SLC2A11: variants seen among roughly 807,000 people sequenced by gnomAD.
The protein encoded by SLC2A11 is solute carrier family 2 member 11, also known as solute carrier family 2, facilitated glucose transporter member 11.
A neutral mutation model predicts 52.1 loss-of-function variants in SLC2A11; 43 were observed. The observed-to-expected ratio is 0.82, with a 90% CI of 0.65 to 1.06. The LOEUF is 1.06. Among genes scored for constraint, SLC2A11 ranks in the 50% least tolerant of loss-of-function variants. SLC2A11 has a pLI of 0.00. For missense variants in SLC2A11, 582 were observed against 654.2 expected (o/e 0.89, Z 1.20); for synonymous variants, 261 against 277.6 (o/e 0.94, Z 0.59).
chr22:23,856,979 G>C, upstream of SLC2A11: 1 of 1,609,394 alleles, frequency 6.2e-7, no homozygotes, highest in Non-Finnish European at 8.5e-7. Flanking sequence ...AGATGAGAGC[G>C]CTCCGAAGAC....
chr22:23,883,463 C>A (rs901199033), intron 8 of SLC2A11: 3 of 410,432 alleles, frequency 7.3e-6, no homozygotes, highest in Non-Finnish European at 1.3e-5. Flanking sequence ...ACCAGTGAGA[C>A]CCTGTCTCAG....
Position 23,883,791 on chromosome 22 carries a change from TG to T in SLC2A11, c.1016del (p.Gly339ValfsTer12). On this transcript the variant is annotated frameshift_variant, in exon 9 of 12. Transcript: ENST00000316185. LOFTEE classifies it high-confidence loss of function. ...TTGCAGTGTGTGGTAATCGAGAGGGTGGGTCGGCGCGTGCTGCTCATCGGTG... is the reference window on the plus strand; with the variant it reads ...TTGCAGTGTGTGGTAATCGAGAGGGTGGTCGGCGCGTGCTGCTCATCGGTG... ...AVVSCVVIER[V>X]GRRVLLIGGY... 1 of 1,543,268 alleles carries T rather than the reference TG, an allele frequency of 6.5e-7. No individual in the cohort carries two copies. The highest frequency in any genetic ancestry group is 8.7e-7 in the Non-Finnish European group (1 of 1,148,334).
At position 23,882,798 on chromosome 22, in the gene SLC2A11, G is replaced by A; in HGVS notation, c.922G>A (p.Val308Met). Residue 308 changes from valine (V) to methionine (M), a missense_variant, in exon 8 of 12, where the codon GTG becomes ATG. Physicochemically the swap from Val to Met is conservative, Grantham distance 21 (BLOSUM62 1). Transcript: ENST00000316185. ...YASSVFRKAGVPEAKIQYAII... is the reference protein window; with the variant it reads ...YASSVFRKAGMPEAKIQYAII... ...CTCCTCCGTGTTCCGGAAGGCAGGAGTGCCGGAAGCGAAGATCCAGTACGC... is the reference window on the plus strand; with the variant it reads ...CTCCTCCGTGTTCCGGAAGGCAGGAATGCCGGAAGCGAAGATCCAGTACGC... The A allele has an allele frequency of 6.2e-7, 1 of 1,613,910 alleles. No homozygotes were observed.
At chr22:23,866,235 A>G (rs1435547767) in intron 2 of SLC2A11, 1 of 152,288 alleles carries the variant, frequency 6.6e-6, no homozygotes, top group Non-Finnish European at 1.5e-5. Flanking sequence ...ATCTTTGTCA[A>G]TGGTCACTCT....
intron 1 of SLC2A11, among the ~76,000 whole-genome samples, chr22:23,861,290 CAAA>C (rs56138210): frequency 3.4e-3 from 120 of 35,592 alleles, no homozygotes; most frequent in Non-Finnish European, 4.9e-3. Context: ...GACTCAGTCT[CAAA>C]AAAAAAAAAA....
upstream of SLC2A11, chr22:23,857,823 T>G: frequency 6.8e-7 from 1 of 1,474,156 alleles, no homozygotes; most frequent in Non-Finnish European, 8.9e-7. Context: ...CGCTACAGCT[T>G]CGTCTCGACG....
chr22:23,883,037 G>C, intron 8 of SLC2A11, 168 bp downstream of exon 8: 1 of 711,080 alleles, frequency 1.4e-6, no homozygotes, highest in Admixed American at 2.0e-5. Context: ...GAGGTGGGTG[G>C]ATCACAAGGT....
chr22:23,880,419 T>C (rs2236619), intron 6 of SLC2A11: 51,697 of 151,968 alleles, frequency 0.34, 9,347 homozygotes, highest in South Asian at 0.47. Flanking sequence ...ATTCGAGGTT[T>C]TTTCATGTGT....
intron 6 of SLC2A11, chr22:23,880,295 A>T (rs1030737211): frequency 3.9e-5 from 6 of 151,998 alleles, no homozygotes; most frequent in African/African-American, 1.4e-4. Context: ...AAAAGAAAAC[A>T]AAGTTGGGGC....
Position 23,878,014 on chromosome 22 carries a change from C to G in SLC2A11, c.694+145C>G, listed in dbSNP as rs148989173. ...GCCTCAATTTCATGATCTGCCTATA[C>G]CTGCCTTCAATCAGAACTCTATCAA... On this transcript the variant is annotated intron_variant, in intron 6 of 11. Coordinates refer to ENST00000316185, the MANE Select transcript of SLC2A11 (RefSeq NM_001024939.4). 326 of 1,041,956 alleles carry G rather than the reference C, an allele frequency of 3.1e-4. No individual in the cohort carries two copies. In the East Asian group the frequency reaches 8.2e-3, roughly 26 times the overall value. 64.5% of individuals were successfully genotyped at this position (1,041,956 alleles called of 1,614,324 possible). A position where few individuals can be genotyped will look rare whatever the true frequency, so the allele number is the denominator to read the frequency against.
intron 6 of SLC2A11, among the ~76,000 whole-genome samples, chr22:23,878,138 G>A (rs562186900): frequency 6.6e-6 from 1 of 152,314 alleles, no homozygotes; most frequent in African/African-American, 2.4e-5. Flanking sequence ...GCACACACAC[G>A]GTGAAACACC....
chr22:23,877,465 C>G (rs1282200842), intron 5 of SLC2A11: 10 of 766,286 alleles, frequency 1.3e-5, no homozygotes, highest in Non-Finnish European at 2.3e-5. Flanking sequence ...CCAGTCATTC[C>G]AGAAAAAAGA....
chr22:23,860,971 C>G (rs1437645957), intron 1 of SLC2A11, among the ~76,000 whole-genome samples: 1 of 151,796 alleles, frequency 6.6e-6, no homozygotes, highest in Non-Finnish European at 1.5e-5. Flanking sequence ...TCAGCCTCCC[C>G]AGTAGCTGGG....
chr22:23,884,601 G>C lies in SLC2A11; in HGVS notation c.1300-48G>C. On this transcript the variant is annotated intron_variant, in intron 11 of 11. Coordinates refer to ENST00000316185, the MANE Select transcript of SLC2A11 (RefSeq NM_001024939.4). This position sits in a 1 kb window ranked among gnomAD's most constrained non-coding sequence, Gnocchi z 4.3. ...CGACCTGTCATGGGCCTTCTGTTTA[G>C]GGGTTGATGGAGACACACCAGGTCT... 6.3e-7 allele frequency: 1 copy of C among 1,582,800 alleles called. No homozygotes were observed. Among genetic ancestry groups the C allele is most frequent in the Non-Finnish European group, 8.6e-7 (1 of 1,163,824 alleles).
chr22:23,874,741 C>T (rs142013891), intron 3 of SLC2A11, among the ~76,000 whole-genome samples: 86 of 152,190 alleles, frequency 5.7e-4, no homozygotes, highest in African/African-American at 2.0e-3. Flanking sequence ...CGTGAGCCAC[C>T]GCGCCCAGCC....
chr22:23,857,634 C>T, upstream of SLC2A11: 1 of 1,151,506 alleles, frequency 8.7e-7, no homozygotes, highest in Middle Eastern at 2.8e-4. Context: ...TCCCCAGCAC[C>T]CCCAGCCCTT....
At chr22:23,876,220 G>C (rs1425192542) in intron 4 of SLC2A11, among the ~76,000 whole-genome samples, 2 of 152,138 alleles carry the variant, frequency 1.3e-5, no homozygotes, top group African/African-American at 4.8e-5. Flanking sequence ...CTCATTAGAA[G>C]TGAGTTACTA....
intron 9 of SLC2A11, 33 bp downstream of exon 9, chr22:23,883,906 G>C (rs1228404545): frequency 1.2e-6 from 2 of 1,610,150 alleles, no homozygotes. Flanking sequence ...GGGGGGTCCA[G>C]GCCGGGCTGA....
chr22:23,880,718 A>AT (rs2032769850), intron 6 of SLC2A11: 1 of 152,216 alleles, frequency 6.6e-6, no homozygotes, highest in African/African-American at 2.4e-5. Flanking sequence ...GCGAGAAAAC[A>AT]TTTTTTGTTG....
Sources: allele counts gnomAD v4.1 joint callset (sites outside exome capture counted in the v4.1 genomes callset), GRCh38; gene constraint gnomAD v4.1.1; non-coding constraint Gnocchi (gnomAD v3.1); transcripts MANE v1.5; gene names NCBI Gene and HGNC (gene_info 2026-07-23, HGNC 2026-07-21).